Variants in LRP1B observed in about 807,000 individuals in gnomAD.
The protein encoded by LRP1B is LDL receptor related protein 1B.
Under a neutral mutation model 556.6 loss-of-function variants are expected in LRP1B, and 217 were observed. The ratio of observed to expected loss-of-function variants is 0.39; its 90% CI spans 0.35 to 0.44. The LOEUF (loss-of-function observed/expected upper bound fraction) is 0.44. Among genes scored for constraint, LRP1B ranks in the 20% least tolerant of loss-of-function variants. The pLI is 1.00. For missense variants in LRP1B, 5,053 were observed against 5,620.8 expected (o/e 0.90, Z 3.23); for synonymous variants, 2,047 against 1,865.8 (o/e 1.10, Z -2.50).
chr2:142,029,258 T>C (rs1241023071), intron 1 of LRP1B, among the ~76,000 whole-genome samples: 1 of 151,866 alleles, frequency 6.6e-6, no homozygotes, highest in Admixed American at 6.6e-5. Context: ...AAGACCACAA[T>C]GAGATATCAC....
At position 141,049,085 on chromosome 2, in the gene LRP1B, G is replaced by C. The variant is rs2105445816; in HGVS notation, c.1690C>G (p.His564Asp). The C allele has an allele frequency of 2.5e-6, 4 of 1,613,646 alleles. No homozygotes were observed. The highest frequency in any genetic ancestry group is 3.4e-6 in the Non-Finnish European group (4 of 1,179,726). The change falls in exon 11 of 91, where the codon CAC becomes GAC. Residue 564 changes from histidine to aspartate, a missense_variant. Coordinates refer to ENST00000389484, the MANE Select transcript of LRP1B (RefSeq NM_018557.3). ...NLVNPRALDF[H>D]AETNYIYFAD... is the part of the protein sequence containing the mutation. ...AAGTAGATGTAATTGGTTTCTGCGTGAAAGTCTAAAGCACGAGGGTTTACC... is the reference window on the plus strand; with the variant it reads ...AAGTAGATGTAATTGGTTTCTGCGTCAAAGTCTAAAGCACGAGGGTTTACC...
intron 6 of LRP1B, among the ~76,000 whole-genome samples, chr2:141,226,298 CT>C (rs1466594430): frequency 6.6e-6 from 1 of 152,104 alleles, no homozygotes; most frequent in Non-Finnish European, 1.5e-5. Flanking sequence ...CCTAATACAT[CT>C]GAACTTTGAG....
At chr2:141,397,907 C>CACATAT (rs368353364) in intron 3 of LRP1B, among the ~76,000 whole-genome samples, 13,416 of 151,388 alleles carry the variant, frequency 0.089, 942 homozygotes, top group African/African-American at 0.19. Context: ...TATATACACA[C>CACATAT]ACATATATGC....
At chr2:140,694,037 G>A (rs1425199168) in intron 41 of LRP1B, among the ~76,000 whole-genome samples, 4 of 152,130 alleles carry the variant, frequency 2.6e-5, no homozygotes, top group African/African-American at 4.8e-5. Context: ...GTCATTGGAT[G>A]TAGGGACACC....
chr2:141,160,549 C>T (rs1014868365), intron 7 of LRP1B, among the ~76,000 whole-genome samples: 4 of 151,922 alleles, frequency 2.6e-5, no homozygotes, highest in African/African-American at 9.7e-5. Flanking sequence ...TACAGCCCCA[C>T]AGTGGGATAC....
At chr2:140,720,699 A>T (rs1217617353) in intron 35 of LRP1B, among the ~76,000 whole-genome samples, 1 of 152,108 alleles carries the variant, frequency 6.6e-6, no homozygotes, top group Non-Finnish European at 1.5e-5. Flanking sequence ...ATGATTAATT[A>T]ACAAACACTT....
intron 1 of LRP1B, 79 bp downstream of exon 1, chr2:142,130,569 C>T: frequency 1.6e-6 from 2 of 1,236,246 alleles, no homozygotes; most frequent in South Asian, 1.5e-5. Context: ...TTAAGTTTCA[C>T]ACTCACTTAT....
At chr2:142,045,142 G>GAA (rs34255275) in intron 1 of LRP1B, among the ~76,000 whole-genome samples, 6 of 145,158 alleles carry the variant, frequency 4.1e-5, no homozygotes, top group Admixed American at 6.8e-5. Context: ...ACCCAAGGGG[G>GAA]AAAAAAAAAA....
At chr2:140,341,434 G>C (rs1681385363) in intron 77 of LRP1B, among the ~76,000 whole-genome samples, 1 of 151,392 alleles carries the variant, frequency 6.6e-6, no homozygotes, top group Non-Finnish European at 1.5e-5. Flanking sequence ...AATGACAACA[G>C]AGCCTTTGGA....
At chr2:141,321,342 G>A (rs1687233663) in intron 3 of LRP1B, among the ~76,000 whole-genome samples, 2 of 152,040 alleles carry the variant, frequency 1.3e-5, no homozygotes, top group African/African-American at 4.8e-5. Context: ...TTAATCAAGA[G>A]CTAAAACAAT....
At chr2:140,820,846 C>A (rs1245682786) in intron 31 of LRP1B, among the ~76,000 whole-genome samples, 1 of 151,250 alleles carries the variant, frequency 6.6e-6, no homozygotes, top group Non-Finnish European at 1.5e-5. Flanking sequence ...CTCTTTTATG[C>A]CTTTTATGCC....
chr2:141,662,634 C>T (rs1439979074), intron 2 of LRP1B, among the ~76,000 whole-genome samples: 1 of 152,008 alleles, frequency 6.6e-6, no homozygotes. Context: ...AGCTAACTAT[C>T]CTACATATAT....
chr2:140,953,075 C>T (rs536575148), intron 18 of LRP1B, among the ~76,000 whole-genome samples: 1 of 151,888 alleles, frequency 6.6e-6, no homozygotes, highest in South Asian at 2.1e-4. Context: ...ACCTATGGTC[C>T]ATATTCTTTT....
chr2:142,077,159 A>C lies in LRP1B; in HGVS notation c.82+53489T>G, dbSNP rs1375607. 2.0e-5 allele frequency among the ~76,000 whole-genome samples: 3 copies of C among 152,178 alleles called. No homozygotes were observed. In the East Asian group the frequency reaches 5.8e-4, roughly 29 times the overall value. On this transcript the variant is annotated intron_variant, in intron 1 of 90. Transcript: ENST00000389484. ...TTACATAATCTCTTCATCTTTACCT[A>C]AAACATGAGAGTCTGCTAAAAATTT...
intron 52 of LRP1B, among the ~76,000 whole-genome samples, 185 bp from the exon 53 acceptor site, chr2:140,507,103 T>C (rs1289155398): frequency 1.3e-5 from 2 of 152,194 alleles, no homozygotes; most frequent in Non-Finnish European, 2.9e-5. Flanking sequence ...TATTAGAATG[T>C]CTGAATATAA....
chr2:141,474,405 C>T (rs532656771), intron 3 of LRP1B, among the ~76,000 whole-genome samples: 3 of 114,090 alleles, frequency 2.6e-5, no homozygotes, highest in East Asian at 3.8e-4. Flanking sequence ...TAAATCACCC[C>T]CAGGATTTTT....
chr2:140,650,510 A>G lies in LRP1B; in HGVS notation c.6800-48871T>C, dbSNP rs907199956. Among the ~76,000 whole-genome samples the G allele has an allele frequency of 5.9e-5, 9 of 151,958 alleles. No individual in the cohort carries two copies. In the East Asian group the frequency reaches 1.6e-3, roughly 26 times the overall value. On this transcript the variant is annotated intron_variant, in intron 41 of 90. Coordinates refer to ENST00000389484, the MANE Select transcript of LRP1B (RefSeq NM_018557.3). ...ATTACAGGTGCCTGCCACCATGGCCAGCTAATTTTTATATTTTTAGAAGAG... is the reference window on the plus strand; with the variant it reads ...ATTACAGGTGCCTGCCACCATGGCCGGCTAATTTTTATATTTTTAGAAGAG...
At chr2:141,273,580 A>C (rs1437352318) in intron 3 of LRP1B, among the ~76,000 whole-genome samples, 1 of 152,224 alleles carries the variant, frequency 6.6e-6, no homozygotes, top group Non-Finnish European at 1.5e-5. Context: ...AAATTAACTC[A>C]GAATGGACTG....
chr2:140,841,331 T>C (rs1359147685), intron 29 of LRP1B, among the ~76,000 whole-genome samples: 3 of 152,172 alleles, frequency 2.0e-5, no homozygotes, highest in African/African-American at 7.2e-5. Context: ...GAAATTACAC[T>C]AACCGTCAAT....
Sources: allele counts gnomAD v4.1 joint callset (sites outside exome capture counted in the v4.1 genomes callset), GRCh38; gene constraint gnomAD v4.1.1; transcripts MANE v1.5; gene names NCBI Gene and HGNC (gene_info 2026-07-23, HGNC 2026-07-21).